Variants in LAMA2 observed in about 807,000 individuals in gnomAD.
LAMA2 encodes laminin subunit alpha-2.
LAMA2 carries 269 observed loss-of-function variants against 364.8 expected under a neutral mutation model. The observed-to-expected ratio is 0.74, with a 90% CI of 0.67 to 0.82. The LOEUF (loss-of-function observed/expected upper bound fraction) is 0.82. LAMA2 is among the 40% of genes least tolerant of loss of function. The probability of loss-of-function intolerance (pLI) is 0.00; values close to 1 mark genes in which losing one functional copy is unlikely to be tolerated. For missense variants in LAMA2, 3,807 were observed against 3,873.2 expected, an observed-to-expected ratio of 0.98 and a Z score of 0.45; for synonymous variants, 1,379 against 1,370.6, an observed-to-expected ratio of 1.01 and a Z score of -0.14.
chr6:129,483,491 A>C (rs1784452858), intron 55 of LAMA2, among the ~76,000 whole-genome samples: 1 of 152,210 alleles, frequency 6.6e-6, no homozygotes. Context: ...CTCAATGATT[A>C]TAGTCAATAA....
At chr6:128,943,554 A>C (rs1049037302) in intron 1 of LAMA2, among the ~76,000 whole-genome samples, 1 of 152,046 alleles carries the variant, frequency 6.6e-6, no homozygotes, top group African/African-American at 2.4e-5. Flanking sequence ...TGGCTTCTCA[A>C]TATGCTGAAA....
Position 129,082,234 on chromosome 6 carries a change from T to C in LAMA2, c.397-15939T>C, listed in dbSNP as rs375812503. On this transcript the variant is annotated intron_variant, in intron 3 of 64. Coordinates refer to ENST00000421865, the MANE Select transcript of LAMA2 (RefSeq NM_000426.4). ...ATAATAAGTAACCAATGAATAGATA[T>C]TGAATAATGCATTGCTTTGCTCAAT... Among the ~76,000 whole-genome samples the C allele has an allele frequency of 6.6e-5, 10 of 152,120 alleles. No individual in the cohort carries two copies. In the East Asian group the frequency reaches 9.6e-4, roughly 15 times the overall value.
Position 129,402,028 on chromosome 6 carries a change from C to T in LAMA2, c.5563-296C>T, listed in dbSNP as rs4897312. On this transcript the variant is annotated intron_variant, in intron 38 of 64. Coordinates refer to ENST00000421865, the MANE Select transcript of LAMA2 (RefSeq NM_000426.4). ...TTCAAAACCAGCCTGGGCAACATGG[C>T]GAAACCCCGTCTCTATTAAATATTC... Among the ~76,000 whole-genome samples the T allele has an allele frequency of 0.48, 72,421 of 151,526 alleles. 17,481 individuals carry two copies. Among genetic ancestry groups the T allele is most frequent in the East Asian group, 0.55 (2,820 of 5,128 alleles).
chr6:129,405,001 G>A (rs9388703), intron 40 of LAMA2, among the ~76,000 whole-genome samples: 3,112 of 152,022 alleles, frequency 0.02, 107 homozygotes, highest in East Asian at 0.16. Context: ...ATGTTCTGTT[G>A]ACTTCTTATT....
chr6:128,953,596 CTT>C, intron 1 of LAMA2, among the ~76,000 whole-genome samples: 1 of 132,030 alleles, frequency 7.6e-6, no homozygotes, highest in Non-Finnish European at 1.5e-5. Context: ...TGCCCATGGA[CTT>C]GTGTGTGTGT....
chr6:129,219,880 T>C (rs928579407), intron 12 of LAMA2, among the ~76,000 whole-genome samples: 3 of 149,170 alleles, frequency 2.0e-5, no homozygotes, highest in African/African-American at 7.7e-5. Context: ...AATGACGAGT[T>C]AATGGGTGCA....
chr6:129,395,578 G>A (rs557917154), intron 37 of LAMA2, among the ~76,000 whole-genome samples: 1 of 152,286 alleles, frequency 6.6e-6, no homozygotes, highest in South Asian at 2.1e-4. Flanking sequence ...GCAGCTTCAA[G>A]GTTGAGAACC....
Position 129,288,068 on chromosome 6 carries a change from G to T in LAMA2, c.2749+10G>T. ...GCGAAGAACTGTCAGCGTAAGTCCT[G>T]AACTATTGATGCCCCTGACAGAATT... is the stretch of plus-strand genomic sequence containing the variant. On this transcript the variant is annotated intron_variant, in intron 19 of 64. Coordinates refer to ENST00000421865, the MANE Select transcript of LAMA2 (RefSeq NM_000426.4). 1 of 1,609,716 alleles carries T rather than the reference G, an allele frequency of 6.2e-7. No individual in the cohort carries two copies. The highest frequency in any genetic ancestry group is 1.1e-5 in the South Asian group (1 of 90,950).
At chr6:129,325,543 T>A (rs1183424602) in intron 28 of LAMA2, among the ~76,000 whole-genome samples, 2 of 151,804 alleles carry the variant, frequency 1.3e-5, no homozygotes, top group African/African-American at 4.8e-5. Context: ...GTTTTTTTTT[T>A]TAAAAAAAAC....
intron 1 of LAMA2, among the ~76,000 whole-genome samples, chr6:128,896,931 T>C (rs1039542682): frequency 3.3e-5 from 5 of 152,244 alleles, no homozygotes; most frequent in Non-Finnish European, 7.3e-5. Flanking sequence ...AGTTAACATC[T>C]ATGGAATACC....
intron 34 of LAMA2, among the ~76,000 whole-genome samples, chr6:129,375,191 C>T (rs1778304466): frequency 6.6e-6 from 1 of 152,032 alleles, no homozygotes. Flanking sequence ...TCATATATCT[C>T]TTTCAATGCA....
chr6:129,328,127 G>A (rs1775410547), intron 28 of LAMA2, 151 bp from the exon 29 acceptor site: 17 of 732,988 alleles, frequency 2.3e-5, no homozygotes, highest in South Asian at 2.0e-4. Context: ...TACACATTAA[G>A]TATCAAAATC....
chr6:129,217,886 G>A (rs1783530704), intron 12 of LAMA2, among the ~76,000 whole-genome samples: 1 of 152,034 alleles, frequency 6.6e-6, no homozygotes, highest in African/African-American at 2.4e-5. Flanking sequence ...ATACAAATGG[G>A]TCTTGTGAAG....
At chr6:129,441,777 G>A (rs961026494) in intron 43 of LAMA2, among the ~76,000 whole-genome samples, 5 of 151,972 alleles carry the variant, frequency 3.3e-5, no homozygotes, top group Admixed American at 1.3e-4. Context: ...CTAGGAATTC[G>A]AGACCAGCCT....
At chr6:129,449,714 G>T (rs1306992873) in intron 45 of LAMA2, among the ~76,000 whole-genome samples, 4 of 151,716 alleles carry the variant, frequency 2.6e-5, no homozygotes, top group Non-Finnish European at 5.9e-5. Context: ...AGTGACATTA[G>T]ATACTCAGTT....
chr6:129,373,145 C>T (rs1778182348), intron 34 of LAMA2, among the ~76,000 whole-genome samples: 1 of 152,020 alleles, frequency 6.6e-6, no homozygotes, highest in Non-Finnish European at 1.5e-5. Flanking sequence ...GTAACGAAGC[C>T]CAGCTTATCA....
chr6:129,080,423 C>T (rs921299855), intron 3 of LAMA2, among the ~76,000 whole-genome samples: 5 of 151,620 alleles, frequency 3.3e-5, no homozygotes, highest in Admixed American at 2.6e-4. Flanking sequence ...GAATTTAAAA[C>T]TCTAAAAAGT....
intron 39 of LAMA2, among the ~76,000 whole-genome samples, chr6:129,402,768 A>G (rs942352337): frequency 6.6e-6 from 1 of 152,218 alleles, no homozygotes; most frequent in African/African-American, 2.4e-5. Context: ...TCTGTTCTTT[A>G]TTAAAAAGCA....
intron 58 of LAMA2, among the ~76,000 whole-genome samples, chr6:129,496,692 T>TTTA (rs1432159597): frequency 2.0e-5 from 3 of 152,186 alleles, no homozygotes; most frequent in African/African-American, 7.2e-5. Flanking sequence ...AGTTTTACAG[T>TTTA]TTATTTTGTA....
Sources: allele counts gnomAD v4.1 joint callset (sites outside exome capture counted in the v4.1 genomes callset), GRCh38; gene constraint gnomAD v4.1.1; transcripts MANE v1.5; gene names NCBI Gene and HGNC (gene_info 2026-07-23, HGNC 2026-07-21).